PDGFC: variants seen among roughly 807,000 people sequenced by gnomAD.
PDGFC encodes the protein platelet-derived growth factor C.
In PDGFC, 12 loss-of-function variants were observed where a neutral mutation model predicts 35.5. That is an observed-to-expected ratio of 0.34 (90% CI 0.22 to 0.55). The LOEUF is 0.55. PDGFC is among the 20% of genes least tolerant of loss of function. The pLI is 0.91. For synonymous variants in PDGFC, 159 were observed against 148.8 expected (o/e 1.07, Z -0.50); for missense variants, 322 against 412.4 (o/e 0.78, Z 1.90).
intron 3 of PDGFC, chr4:156,778,983 T>C: frequency 6.1e-6 from 2 of 326,624 alleles, no homozygotes; most frequent in Middle Eastern, 8.0e-4. Context: ...ATCAGGTGTT[T>C]AAGAGAAGAC....
chr4:156,842,828 T>G (rs1165067141), intron 2 of PDGFC, among the ~76,000 whole-genome samples: 1 of 152,220 alleles, frequency 6.6e-6, no homozygotes, highest in Non-Finnish European at 1.5e-5. Context: ...TGTTCGTGAG[T>G]GTCCATTAGG....
In PDGFC at chr4:156,868,179, C is replaced by T. The variant is rs76048086; in HGVS notation, c.119-17763G>A. Among the ~76,000 whole-genome samples the T allele has an allele frequency of 4.7e-3, 709 of 152,060 alleles. 5 individuals are homozygous for T. In the South Asian group the frequency reaches 0.049, roughly 11 times the overall value. On this transcript the variant is annotated intron_variant, in intron 1 of 5. Coordinates refer to ENST00000502773, the MANE Select transcript of PDGFC (RefSeq NM_016205.3). ...TAAAAGGAGATTAAATACTTTTTGA[C>T]AAAAAATGCAGTATATTAAATCCTA...
chr4:156,887,266 G>T (rs1730398033), intron 1 of PDGFC, among the ~76,000 whole-genome samples: 2 of 152,012 alleles, frequency 1.3e-5, no homozygotes, highest in East Asian at 1.9e-4. Context: ...TATCTACATA[G>T]ATTATTTAAA....
rs908123533 is a variant in PDGFC at position 156,944,979 on chromosome 4, T to C, written c.118+25807A>G. On this transcript the variant is annotated intron_variant, in intron 1 of 5. Transcript: ENST00000502773. ...CTGTGAAGGCCTTCTCTGCCATCTC[T>C]GCAAGATCTGTGCTCAAAGTCACCT... is the stretch of plus-strand genomic sequence containing the variant. Among the ~76,000 whole-genome samples, 5 of 151,946 alleles carry C rather than the reference T, an allele frequency of 3.3e-5. No homozygotes were observed. In the South Asian group the frequency reaches 1.0e-3, roughly 32 times the overall value.
At chr4:156,949,326 G>T (rs528361835) in intron 1 of PDGFC, among the ~76,000 whole-genome samples, 2 of 151,864 alleles carry the variant, frequency 1.3e-5, no homozygotes, top group South Asian at 4.2e-4. Flanking sequence ...CTTGATTAAC[G>T]TGCAAAGTAA....
chr4:156,827,154 AC>A (rs1270300448), intron 2 of PDGFC, among the ~76,000 whole-genome samples: 3 of 152,208 alleles, frequency 2.0e-5, no homozygotes, highest in African/African-American at 7.2e-5. Flanking sequence ...ACAGTGGCAC[AC>A]GCCTGAAATT....
chr4:156,809,249 T>C (rs1348410893), intron 3 of PDGFC, among the ~76,000 whole-genome samples: 1 of 151,982 alleles, frequency 6.6e-6, no homozygotes, highest in African/African-American at 2.4e-5. Context: ...TTTAAAAATG[T>C]GGTCAATTTA....
chr4:156,839,960 G>A (rs1440219457), intron 2 of PDGFC, among the ~76,000 whole-genome samples: 3 of 152,142 alleles, frequency 2.0e-5, no homozygotes, highest in African/African-American at 7.2e-5. Flanking sequence ...ATTATGTAGA[G>A]TATCTGGTGG....
intron 3 of PDGFC, among the ~76,000 whole-genome samples, chr4:156,805,590 G>C (rs986591029): frequency 6.6e-6 from 1 of 151,992 alleles, no homozygotes; most frequent in Non-Finnish European, 1.5e-5. Flanking sequence ...CAGGCATGCT[G>C]CTTTTTTTCC....
chr4:156,882,824 C>T (rs1730275104), intron 1 of PDGFC, among the ~76,000 whole-genome samples: 1 of 152,158 alleles, frequency 6.6e-6, no homozygotes, highest in Non-Finnish European at 1.5e-5. Context: ...GTGGCTCACG[C>T]CTGTAATCCC....
rs1420357324 is a variant in PDGFC, at chr4:156,772,850, G to A, written c.539C>T (p.Ala180Val). 6.2e-7 allele frequency: 1 copy of A among 1,613,346 alleles called. No homozygotes were observed. The highest frequency in any genetic ancestry group is 8.5e-7 in the Non-Finnish European group (1 of 1,179,366). The change falls in exon 4 of 6, where the codon GCT becomes GTT. Residue 180 changes from alanine to valine, a missense_variant. This residue lies in a region of PDGFC where 202 missense variants were observed against 295.9 expected (regional missense o/e 0.68). Transcript: ENST00000502773. ...AVSPSVLPPS[A>V]LPLDLLNNAI... is the part of the protein sequence containing the mutation. ...ATTATTAAGCAGGTCCAGTGGCAAA[G>A]CTGAAGGGGGTAGCACTGAAGGACT...
chr4:156,822,755 T>TTTTA (rs140282401), intron 2 of PDGFC, among the ~76,000 whole-genome samples: 8,904 of 151,888 alleles, frequency 0.059, 861 homozygotes, highest in African/African-American at 0.2. Flanking sequence ...TCATATTCTC[T>TTTTA]TTTATTTATT....
intron 1 of PDGFC, among the ~76,000 whole-genome samples, chr4:156,925,802 A>G (rs1304238613): frequency 4.6e-5 from 7 of 151,658 alleles, no homozygotes; most frequent in Admixed American, 1.3e-4. Context: ...TGTAACTCCA[A>G]CGCTTTGGGA....
chr4:156,951,239 G>A (rs1028030685), intron 1 of PDGFC, among the ~76,000 whole-genome samples: 2 of 151,720 alleles, frequency 1.3e-5, no homozygotes, highest in African/African-American at 2.4e-5. Context: ...ATAAAACAAC[G>A]CTCGTGATCA....
intron 1 of PDGFC, among the ~76,000 whole-genome samples, chr4:156,922,578 G>GTTCC: frequency 6.6e-6 from 1 of 152,192 alleles, no homozygotes; most frequent in South Asian, 2.1e-4. Flanking sequence ...AAGATAGGAA[G>GTTCC]TATCTTTGGG....
chr4:156,821,040 T>G (rs1302892702), intron 2 of PDGFC, among the ~76,000 whole-genome samples: 2 of 152,140 alleles, frequency 1.3e-5, no homozygotes, highest in African/African-American at 2.4e-5. Context: ...TAGATTCCCA[T>G]GAGAACAGAT....
At chr4:156,893,731 G>A (rs1730568564) in intron 1 of PDGFC, among the ~76,000 whole-genome samples, 1 of 151,872 alleles carries the variant, frequency 6.6e-6, no homozygotes, top group African/African-American at 2.4e-5. Context: ...CTGTTAGTAT[G>A]CTTCATTGAC....
intron 1 of PDGFC, among the ~76,000 whole-genome samples, chr4:156,969,746 T>C (rs948771606): frequency 5.9e-5 from 9 of 152,222 alleles, no homozygotes; most frequent in African/African-American, 9.6e-5. Context: ...GAATAGATGA[T>C]ATACAAAGCA....
At chr4:156,822,150 G>A (rs1266142121) in intron 2 of PDGFC, among the ~76,000 whole-genome samples, 1 of 151,988 alleles carries the variant, frequency 6.6e-6, no homozygotes, top group Non-Finnish European at 1.5e-5. Flanking sequence ...ACGAGTTCAG[G>A]AGATCGAGAC....
Sources: allele counts gnomAD v4.1 joint callset (sites outside exome capture counted in the v4.1 genomes callset), GRCh38; gene constraint gnomAD v4.1.1; regional missense constraint gnomAD v4.1.1; transcripts MANE v1.5; gene names NCBI Gene and HGNC (gene_info 2026-07-23, HGNC 2026-07-21).